The following SERPINA3 variants were observed in gnomAD, a reference collection of about 807,000 sequenced individuals.
SERPINA3 encodes serpin family A member 3.
In SERPINA3, 32 loss-of-function variants were observed where a neutral mutation model predicts 26.8. The ratio of observed to expected loss-of-function variants is 1.20; its 90% confidence interval spans 0.90 to 1.61. The LOEUF (loss-of-function observed/expected upper bound fraction) is 1.61. Ranked by LOEUF, SERPINA3 falls within the 40% of genes most tolerant of loss-of-function variation. The pLI is 0.00. For missense variants in SERPINA3, 632 were observed against 517.9 expected (o/e 1.22, Z -2.14); for synonymous variants, 252 against 206.4 (o/e 1.22, Z -1.89).
rs763196019 is a variant in SERPINA3 at position 94,614,903 on chromosome 14, G to A, written c.462G>A (p.Thr154=). Residue 154 remains threonine, a synonymous_variant, in exon 2 of 5, where the codon ACG becomes ACA. Transcript: ENST00000393078. ...AACTCAGTCTGCTGGACAGGTTCAC[G>A]GAGGATGCCAAGAGGCTGTATGGCT... is the stretch of plus-strand genomic sequence containing the variant. The part of the protein sequence containing the change: ...KEQLSLLDRF[T]EDAKRLYGSE... 8.7e-6 allele frequency: 14 copies of A among 1,614,032 alleles called. No individual in the cohort carries two copies. Among genetic ancestry groups the A allele is most frequent in the Admixed American group, 1.7e-5 (1 of 60,010 alleles).
chr14:94,618,212 G>A (rs537064437), intron 2 of SERPINA3: 1 of 152,188 alleles, frequency 6.6e-6, no homozygotes, highest in African/African-American at 2.4e-5. Context: ...TTTTAGATAA[G>A]GTGGAGTTTT....
In SERPINA3 at chr14:94,614,716, A is replaced by G; in HGVS notation, c.275A>G (p.His92Arg). ...TTGGCCTTCCTGTCTCTGGGGGCCC[A>G]TAATACCACCCTGACAGAGATTCTC... ...TALAFLSLGAHNTTLTEILKG... is the reference protein window; with the variant it reads ...TALAFLSLGARNTTLTEILKG... The change falls in exon 2 of 5, where the codon CAT becomes CGT. Residue 92 changes from histidine (H) to arginine (R), a missense_variant. Transcript: ENST00000393078. 3.1e-6 allele frequency: 5 copies of G among 1,614,174 alleles called. No individual in the cohort carries two copies. Among genetic ancestry groups the G allele is most frequent in the Non-Finnish European group, 2.5e-6 (3 of 1,180,026 alleles).
chr14:94,623,283 C>T (rs1174441753), intron 4 of SERPINA3, among the ~76,000 whole-genome samples: 1 of 152,196 alleles, frequency 6.6e-6, no homozygotes, highest in East Asian at 1.9e-4. Flanking sequence ...ATTGTTCTTG[C>T]TCTTCCTCCC....
Position 94,619,218 on chromosome 14 carries a change from C to A in SERPINA3, c.667C>A (p.Pro223Thr). 1 of 1,614,166 alleles carries A rather than the reference C, an allele frequency of 6.2e-7. No homozygotes were observed. The highest frequency in any genetic ancestry group is 8.5e-7 in the Non-Finnish European group (1 of 1,180,036). Residue 223 changes from proline to threonine, a missense_variant, in exon 3 of 5, where the codon CCC (proline) becomes ACC (threonine). Coordinates refer to ENST00000393078, the MANE Select transcript of SERPINA3 (RefSeq NM_001085.5). Reference protein sequence around the residue: ...FKAKWEMPFDPQDTHQSRFYL... With the variant: ...FKAKWEMPFDTQDTHQSRFYL... ...AGCCAAATGGGAGATGCCCTTTGAC[C>A]CCCAAGATACTCATCAGTCAAGGTT... is the stretch of plus-strand genomic sequence containing the variant.
chr14:94,619,515 G>T lies in SERPINA3; in HGVS notation c.917+47G>T, dbSNP rs201396837. 4,579 of 1,610,908 alleles carry T rather than the reference G, an allele frequency of 2.8e-3. 11 individuals are homozygous for T. The highest frequency in any genetic ancestry group is 3.0e-3 in the Non-Finnish European group (3,536 of 1,178,096). On this transcript the variant is annotated intron_variant, in intron 3 of 4. Coordinates refer to ENST00000393078, the MANE Select transcript of SERPINA3 (RefSeq NM_001085.5). ...AGACCCCACATCTCTCCACGTCAAG[G>T]TCTCACCAATGTCCAGGGACAAGGG...
rs1481964711 is a variant in SERPINA3 at position 94,614,918 on chromosome 14, G to T, written c.477G>T (p.Arg159Ser). Residue 159 changes from arginine (R) to serine (S), a missense_variant, in exon 2 of 5, where the codon AGG (arginine) becomes AGT (serine). Transcript: ENST00000393078. ...ACAGGTTCACGGAGGATGCCAAGAG[G>T]CTGTATGGCTCCGAGGCCTTTGCCA... is the stretch of plus-strand genomic sequence containing the variant. ...LLDRFTEDAK[R>S]LYGSEAFATD... is the part of the protein sequence containing the mutation. 6.2e-7 allele frequency: 1 copy of T among 1,613,860 alleles called. No homozygotes were observed. The highest frequency in any genetic ancestry group is 1.3e-5 in the African/African-American group (1 of 74,936).
chr14:94,614,194 G>A (rs999707440), intron 1 of SERPINA3: 26 of 548,352 alleles, frequency 4.7e-5, no homozygotes, highest in Non-Finnish European at 7.6e-5. Flanking sequence ...CCCCCTCACC[G>A]CTCTGTGCCC....
chr14:94,616,874 GC>G lies in SERPINA3; in HGVS notation c.643+1791del, dbSNP rs200746589. Among the ~76,000 whole-genome samples, 1,082 of 152,262 alleles carry G rather than the reference GC, an allele frequency of 7.1e-3. 8 individuals carry two copies. The highest frequency in any genetic ancestry group is 0.033 in the South Asian group (157 of 4,814). On this transcript the variant is annotated intron_variant, in intron 2 of 4. Coordinates refer to ENST00000393078, the MANE Select transcript of SERPINA3 (RefSeq NM_001085.5). ...GAGGATGTCAGAAGATGTTAAGGAGGCAAAATTGGAAAACTTGGTGGCTGGC... is the reference window on the plus strand; with the variant it reads ...GAGGATGTCAGAAGATGTTAAGGAGGAAAATTGGAAAACTTGGTGGCTGGC...
At chr14:94,620,323 T>C (rs886454675) in intron 3 of SERPINA3, among the ~76,000 whole-genome samples, 2 of 152,190 alleles carry the variant, frequency 1.3e-5, no homozygotes, top group Non-Finnish European at 2.9e-5. Flanking sequence ...TTCCACTTCC[T>C]CCATCTTGTC....
chr14:94,615,053 G>A lies in SERPINA3; in HGVS notation c.612G>A (p.Met204Ile), dbSNP rs774632112. 13 of 1,614,164 alleles carry A rather than the reference G, an allele frequency of 8.1e-6. No individual in the cohort carries two copies. The East Asian group carries it at 2.9e-4, about 36-fold the overall frequency. Residue 204 changes from methionine to isoleucine, a missense_variant, in exon 2 of 5, where the codon ATG (methionine) becomes ATA (isoleucine). Transcript: ENST00000393078. ...TCAAGGACCTTGACTCGCAGACAAT[G>A]ATGGTCCTGGTGAATTACATCTTCT... ...DLIKDLDSQT[M>I]MVLVNYIFFK...
intron 2 of SERPINA3, among the ~76,000 whole-genome samples, chr14:94,615,710 G>A (rs1275426717): frequency 6.6e-6 from 1 of 152,216 alleles, no homozygotes; most frequent in African/African-American, 2.4e-5. Flanking sequence ...TCCCATCTGG[G>A]GAAGAGCCTC....
chr14:94,616,889 T>C (rs1204877828), intron 2 of SERPINA3, among the ~76,000 whole-genome samples: 3 of 151,962 alleles, frequency 2.0e-5, no homozygotes, highest in African/African-American at 4.8e-5. Context: ...ATTGGAAAAC[T>C]TGGTGGCTGG....
At position 94,614,815 on chromosome 14, in the gene SERPINA3, C is replaced by T. The variant is rs759994325; in HGVS notation, c.374C>T (p.Thr125Ile). ...CAGAGCTTCCAGCACCTCCTGCGCA[C>T]CCTCAATCAGTCCAGCGATGAGCTG... ...IHQSFQHLLR[T>I]LNQSSDELQL... is the part of the protein sequence containing the mutation. Residue 125 changes from threonine to isoleucine, a missense_variant, in exon 2 of 5, where the codon ACC becomes ATC. Transcript: ENST00000393078. 2 of 1,614,084 alleles carry T rather than the reference C, an allele frequency of 1.2e-6. No individual in the cohort carries two copies. Among genetic ancestry groups the T allele is most frequent in the African/African-American group, 2.7e-5 (2 of 74,932 alleles).
chr14:94,622,806 A>G (rs1356015819), intron 4 of SERPINA3: 2 of 414,330 alleles, frequency 4.8e-6, no homozygotes, highest in Non-Finnish European at 9.1e-6. Flanking sequence ...CCAGCTTTCC[A>G]TGTGTCAAAT....
In SERPINA3 at chr14:94,614,947, AC is replaced by A. The variant is rs768078335; in HGVS notation, c.507del (p.Gln171ArgfsTer14). ...RLYGSEAFAT[D>X]FQDSAAAKKL... is the part of the protein sequence containing the mutation. Reference sequence around the variant, plus strand: ...TATGGCTCCGAGGCCTTTGCCACTGACTTTCAGGACTCAGCTGCAGCTAAGA... The same window carrying A: ...TATGGCTCCGAGGCCTTTGCCACTGATTTCAGGACTCAGCTGCAGCTAAGA... On this transcript the variant is annotated frameshift_variant, in exon 2 of 5. Coordinates refer to ENST00000393078, the MANE Select transcript of SERPINA3 (RefSeq NM_001085.5). LOFTEE classifies it high-confidence loss of function. The A allele has an allele frequency of 3.7e-6, 6 of 1,613,156 alleles. No homozygotes were observed. In the South Asian group the frequency reaches 5.5e-5, roughly 15 times the overall value.
At chr14:94,618,461 G>A (rs1886079902) in intron 2 of SERPINA3, 1 of 152,820 alleles carries the variant, frequency 6.5e-6, no homozygotes, top group Non-Finnish European at 1.5e-5. Context: ...GACAGACACT[G>A]AATCCAGGGC....
At position 94,623,710 on chromosome 14, in the gene SERPINA3, A is replaced by G. The variant is rs1271615976; in HGVS notation, c.1168A>G (p.Arg390Gly). Residue 390 changes from arginine to glycine, a missense_variant, in exon 5 of 5, where the codon AGG becomes GGG. Coordinates refer to ENST00000393078, the MANE Select transcript of SERPINA3 (RefSeq NM_001085.5). ...CCTCCTTTCTGCATTAGTGGAGACA[A>G]GGACCATTGTGCGTTTCAACAGGCC... ...ITLLSALVET[R>G]TIVRFNRPFL... 3 of 1,614,066 alleles carry G rather than the reference A, an allele frequency of 1.9e-6. No individual in the cohort carries two copies. In the African/African-American group the frequency reaches 4.0e-5, roughly 22 times the overall value.
chr14:94,615,467 G>C (rs558836570), intron 2 of SERPINA3: 89 of 460,632 alleles, frequency 1.9e-4, no homozygotes, highest in Non-Finnish European at 3.6e-4. Context: ...AAGTCCCTCT[G>C]TCTGGATGCA....
rs764831011 is a variant in SERPINA3, at chr14:94,614,573, C to A, written c.132C>A (p.His44Gln). The A allele has an allele frequency of 6.2e-7, 1 of 1,614,180 alleles. No individual in the cohort carries two copies. Among genetic ancestry groups the A allele is most frequent in the South Asian group, 1.1e-5 (1 of 91,076 alleles). Residue 44 changes from histidine (H) to glutamine (Q), a missense_variant, in exon 2 of 5, where the codon CAC (histidine) becomes CAA (glutamine). Transcript: ENST00000393078. ...AGGAGAACCAAGACCGAGGGACACA[C>A]GTGGACCTCGGATTAGCCTCCGCCA... ...LTQENQDRGT[H>Q]VDLGLASANV...
Sources: allele counts gnomAD v4.1 joint callset (sites outside exome capture counted in the v4.1 genomes callset), GRCh38; gene constraint gnomAD v4.1.1; transcripts MANE v1.5; gene names NCBI Gene and HGNC (gene_info 2026-07-23, HGNC 2026-07-21).